Variants in CEMIP observed in about 807,000 individuals in gnomAD.
The protein encoded by CEMIP is cell migration-inducing and hyaluronan-binding protein.
In CEMIP, 105 loss-of-function variants were observed where a neutral mutation model predicts 156.9. The ratio of observed to expected loss-of-function variants is 0.67; its 90% CI spans 0.57 to 0.79. The LOEUF (loss-of-function observed/expected upper bound fraction) is 0.79. CEMIP is among the 30% of genes least tolerant of loss of function. The pLI is 0.00. For synonymous variants in CEMIP, 676 were observed against 668.4 expected, an observed-to-expected ratio of 1.01 and a Z score of -0.17; for missense variants, 1,457 against 1,769.4, an observed-to-expected ratio of 0.82 and a Z score of 3.17.
chr15:80,851,772 C>T (rs1372088292), intron 1 of CEMIP, among the ~76,000 whole-genome samples: 2 of 151,852 alleles, frequency 1.3e-5, no homozygotes, highest in Non-Finnish European at 2.9e-5. Context: ...GGGCATGAAG[C>T]GAGAGAACAG....
chr15:80,941,751 T>C, intron 25 of CEMIP, 98 bp from the exon 26 acceptor site: 1 of 1,126,694 alleles, frequency 8.9e-7, no homozygotes, highest in East Asian at 2.3e-5. Flanking sequence ...TGGGTCTACC[T>C]GCTATGACCA....
intron 1 of CEMIP, among the ~76,000 whole-genome samples, chr15:80,867,643 A>G (rs1898166374): frequency 6.6e-6 from 1 of 152,218 alleles, no homozygotes; most frequent in Admixed American, 6.5e-5. Flanking sequence ...AAGCCCTCTG[A>G]GAAAGGGCTG....
At chr15:80,908,966 C>G in intron 13 of CEMIP, 131 bp from the exon 14 acceptor site, 1 of 884,940 alleles carries the variant, frequency 1.1e-6, no homozygotes, top group Non-Finnish European at 1.8e-6. Flanking sequence ...CAGAGAATAT[C>G]TTTGATTTAC....
intron 1 of CEMIP, among the ~76,000 whole-genome samples, chr15:80,809,534 C>A (rs1896605434): frequency 6.6e-6 from 1 of 152,138 alleles, no homozygotes; most frequent in African/African-American, 2.4e-5. Flanking sequence ...TACTACATAA[C>A]AAATTGCCAT....
chr15:80,901,095 C>T (rs1362201700), intron 12 of CEMIP: 2 of 391,906 alleles, frequency 5.1e-6, no homozygotes, highest in Admixed American at 2.7e-5. Flanking sequence ...ACTCCCCTCC[C>T]TTGATTTTCC....
At chr15:80,797,576 T>C (rs1193687766) in intron 1 of CEMIP, among the ~76,000 whole-genome samples, 1 of 152,238 alleles carries the variant, frequency 6.6e-6, no homozygotes, top group Non-Finnish European at 1.5e-5. Context: ...TGGTCAAGTG[T>C]CTTGTCTTAG....
chr15:80,883,865 G>T (rs1898744408), intron 6 of CEMIP, among the ~76,000 whole-genome samples: 1 of 152,216 alleles, frequency 6.6e-6, no homozygotes, highest in South Asian at 2.1e-4. Flanking sequence ...AAAAGGCCTA[G>T]ACCTCAAGTA....
rs1244196760 is a variant in CEMIP, at chr15:80,942,027, C to T, written c.3586C>T (p.Pro1196Ser). The T allele has an allele frequency of 6.2e-7, 1 of 1,613,556 alleles. No individual in the cohort carries two copies. Among genetic ancestry groups the T allele is most frequent in the South Asian group, 1.1e-5 (1 of 90,988 alleles). Residue 1196 changes from proline to serine, a missense_variant, in exon 26 of 30, where the codon CCC (proline) becomes TCC (serine). Transcript: ENST00000394685. ...GAGGGCTGTCGTAGACGTGCCGATG[C>T]CCAAGAAGCTCTTTGGTTCTCAGCT... is the stretch of plus-strand genomic sequence containing the variant. Reference protein sequence around the residue: ...TERAVVDVPMPKKLFGSQLKT... With the variant: ...TERAVVDVPMSKKLFGSQLKT...
At chr15:80,862,354 T>C (rs550294644) in intron 1 of CEMIP, among the ~76,000 whole-genome samples, 1 of 152,306 alleles carries the variant, frequency 6.6e-6, no homozygotes, top group South Asian at 2.1e-4. Context: ...ACAATGAGGC[T>C]TCCAAGAGAG....
intron 14 of CEMIP, among the ~76,000 whole-genome samples, chr15:80,912,192 G>A (rs925787347): frequency 2.0e-5 from 3 of 152,222 alleles, no homozygotes; most frequent in South Asian, 2.1e-4. Flanking sequence ...CTGGGGGAGT[G>A]AGAGATGCGT....
intron 1 of CEMIP, among the ~76,000 whole-genome samples, chr15:80,857,145 A>G (rs1897872072): frequency 6.6e-6 from 1 of 152,216 alleles, no homozygotes; most frequent in South Asian, 2.1e-4. Flanking sequence ...GGAGGAGTAG[A>G]GAAAGTCTAT....
intron 14 of CEMIP, among the ~76,000 whole-genome samples, chr15:80,914,578 CT>C (rs1900193670): frequency 1.3e-5 from 2 of 152,170 alleles, no homozygotes; most frequent in African/African-American, 4.8e-5. Flanking sequence ...GCTGAGCCCC[CT>C]GTGTCTTTGG....
chr15:80,816,488 C>T (rs1379667543), intron 1 of CEMIP, among the ~76,000 whole-genome samples: 1 of 152,162 alleles, frequency 6.6e-6, no homozygotes, highest in African/African-American at 2.4e-5. Context: ...CATTTCTGCA[C>T]CACCTGGGCC....
intron 1 of CEMIP, among the ~76,000 whole-genome samples, chr15:80,818,281 A>G (rs571032393): frequency 2.6e-5 from 4 of 152,314 alleles, no homozygotes; most frequent in Admixed American, 6.5e-5. Context: ...GAGAGGGAGC[A>G]TGGTGGATCA....
chr15:80,889,193 T>C (rs1319053927), intron 9 of CEMIP, among the ~76,000 whole-genome samples: 1 of 152,260 alleles, frequency 6.6e-6, no homozygotes, highest in East Asian at 1.9e-4. Context: ...GGTTTACAGA[T>C]GGATTTTCTT....
intron 12 of CEMIP, among the ~76,000 whole-genome samples, chr15:80,900,638 G>GTGTCTGTGTGTGTGTC (rs1899466705): frequency 6.4e-4 from 65 of 101,946 alleles, no homozygotes; most frequent in African/African-American, 7.7e-4. Flanking sequence ...GTGTGTGTGT[G>GTGTCTGTGTGTGTGTC]TGTGTGTGTG....
At chr15:80,946,837 G>C in intron 28 of CEMIP, 128 bp from the exon 29 acceptor site, 1 of 717,350 alleles carries the variant, frequency 1.4e-6, no homozygotes, top group South Asian at 1.5e-5. Flanking sequence ...GCCCTTTCCC[G>C]AATCCCTGGA....
At chr15:80,948,712 G>C in intron 29 of CEMIP, 85 bp from the exon 30 acceptor site, 1 of 1,580,574 alleles carries the variant, frequency 6.3e-7, no homozygotes, top group Non-Finnish European at 8.7e-7. Context: ...GGCGTGGGGG[G>C]CTGGCGATGG....
chr15:80,842,582 A>G (rs1897450429), intron 1 of CEMIP, among the ~76,000 whole-genome samples: 1 of 152,126 alleles, frequency 6.6e-6, no homozygotes, highest in Non-Finnish European at 1.5e-5. Flanking sequence ...AAATACAAAA[A>G]TTAGCTGGGC....
Sources: allele counts gnomAD v4.1 joint callset (sites outside exome capture counted in the v4.1 genomes callset), GRCh38; gene constraint gnomAD v4.1.1; transcripts MANE v1.5; gene names NCBI Gene and HGNC (gene_info 2026-07-23, HGNC 2026-07-21).